The following CTNND2 variants were observed in gnomAD, a reference collection of about 807,000 sequenced individuals.
CTNND2 encodes catenin delta-2.
In CTNND2, 22 loss-of-function variants were observed where a neutral mutation model predicts 144.4. That is an observed-to-expected ratio of 0.15 (90% confidence interval 0.11 to 0.22). The LOEUF (loss-of-function observed/expected upper bound fraction) is 0.22, where lower values mean the gene tolerates loss of function less well. Among genes scored for constraint, CTNND2 ranks in the 10% least tolerant of loss-of-function variants. The pLI, the probability that CTNND2 is intolerant of heterozygous loss-of-function variation, is 1.00. For synonymous variants in CTNND2, 751 were observed against 695.6 expected, an observed-to-expected ratio of 1.08 and a Z score of -1.25; for missense variants, 1,353 against 1,618.8, an observed-to-expected ratio of 0.84 and a Z score of 2.82.
At position 10,973,842 on chromosome 5, in the gene CTNND2, G is replaced by C. The variant is rs1736107665; in HGVS notation, c.3418-129C>G. The C allele has an allele frequency of 9.5e-7, 1 of 1,056,436 alleles. No homozygotes were observed. The highest frequency in any genetic ancestry group is 1.3e-6 in the Non-Finnish European group (1 of 767,754). The allele number at this position is 1,056,436 out of a possible 1,614,324, so 65.4% of individuals were successfully genotyped here. On this transcript the variant is annotated intron_variant, in intron 21 of 21. Transcript: ENST00000304623. The surrounding 1 kb of genome is among the most constrained non-coding windows in gnomAD (Gnocchi z 5.6). ...TCCAGGCATTCACCACTGTGGCCCT[G>C]CTTCTCCAAAACTGCCAACTGTCAT...
At chr5:11,785,135 CT>C (rs780508218) in intron 1 of CTNND2, among the ~76,000 whole-genome samples, 3 of 152,280 alleles carry the variant, frequency 2.0e-5, no homozygotes, top group Admixed American at 2.0e-4. Flanking sequence ...TATACACAGG[CT>C]TTTTCCTCAC....
intron 2 of CTNND2, among the ~76,000 whole-genome samples, chr5:11,708,051 A>T (rs375045776): frequency 9.9e-5 from 14 of 140,898 alleles, no homozygotes; most frequent in African/African-American, 4.1e-4. Flanking sequence ...TTTAAAGATG[A>T]TTTTTTTTTT....
At chr5:11,466,286 T>C (rs907368612) in intron 3 of CTNND2, among the ~76,000 whole-genome samples, 5 of 152,278 alleles carry the variant, frequency 3.3e-5, no homozygotes, top group South Asian at 2.1e-4. Context: ...CATTTTTAAA[T>C]ACAAAAGACT....
intron 16 of CTNND2, among the ~76,000 whole-genome samples, chr5:11,038,704 A>G (rs1744355675): frequency 6.6e-6 from 1 of 152,206 alleles, no homozygotes; most frequent in Non-Finnish European, 1.5e-5. Flanking sequence ...CCAGAATCAA[A>G]TATTTCTGCC....
At chr5:11,866,630 C>A (rs1795781833) in intron 1 of CTNND2, among the ~76,000 whole-genome samples, 1 of 152,242 alleles carries the variant, frequency 6.6e-6, no homozygotes, top group Non-Finnish European at 1.5e-5. Context: ...CAGTGCCTGG[C>A]ACATCCTACG....
intron 20 of CTNND2, chr5:10,986,777 G>A: frequency 4.7e-6 from 2 of 429,466 alleles, no homozygotes; most frequent in South Asian, 3.3e-5. Flanking sequence ...GTTTATTATA[G>A]TTTTCTTTAC....
At chr5:11,639,174 G>A (rs140642237) in intron 2 of CTNND2, among the ~76,000 whole-genome samples, 92 of 152,134 alleles carry the variant, frequency 6.0e-4, no homozygotes, top group African/African-American at 2.1e-3. Flanking sequence ...GTGGGCAGAG[G>A]GCAGAAAGGC....
At chr5:11,675,978 A>G (rs1309845035) in intron 2 of CTNND2, among the ~76,000 whole-genome samples, 2 of 151,686 alleles carry the variant, frequency 1.3e-5, no homozygotes, top group Admixed American at 1.3e-4. Flanking sequence ...TCTAAACTGC[A>G]TTTGAGCTCT....
intron 3 of CTNND2, chr5:11,508,462 G>C (rs1383971657): frequency 1.3e-5 from 2 of 152,022 alleles, no homozygotes; most frequent in Non-Finnish European, 2.9e-5. Flanking sequence ...ATGCAAACGA[G>C]AAAATTCATT....
chr5:11,872,034 G>A (rs1735174366), intron 1 of CTNND2, among the ~76,000 whole-genome samples: 1 of 150,510 alleles, frequency 6.6e-6, no homozygotes, highest in Non-Finnish European at 1.5e-5. Flanking sequence ...CCCTCCCCTA[G>A]CCCCCCACCC....
At chr5:11,150,555 A>T (rs949731940) in intron 12 of CTNND2, among the ~76,000 whole-genome samples, 2 of 151,214 alleles carry the variant, frequency 1.3e-5, no homozygotes, top group Admixed American at 1.3e-4. Context: ...CACAGATAGC[A>T]TCCAGCTCTG....
intron 2 of CTNND2, among the ~76,000 whole-genome samples, chr5:11,681,782 G>A (rs1020155493): frequency 6.6e-6 from 1 of 152,148 alleles, no homozygotes; most frequent in Non-Finnish European, 1.5e-5. Flanking sequence ...TATCAGAAAG[G>A]CTGTGCTTGC....
chr5:11,028,947 G>A (rs1743161042), intron 16 of CTNND2, among the ~76,000 whole-genome samples: 1 of 152,214 alleles, frequency 6.6e-6, no homozygotes, highest in South Asian at 2.1e-4. Context: ...GGCCTCAAGT[G>A]ATCTGCCCAC....
At chr5:11,859,678 G>A (rs1795414215) in intron 1 of CTNND2, among the ~76,000 whole-genome samples, 1 of 152,098 alleles carries the variant, frequency 6.6e-6, no homozygotes, top group South Asian at 2.1e-4. Context: ...CCACCTACAT[G>A]CCTGTAACTC....
chr5:11,224,307 G>T (rs1024876074), intron 10 of CTNND2, among the ~76,000 whole-genome samples: 2 of 152,090 alleles, frequency 1.3e-5, no homozygotes, highest in Non-Finnish European at 2.9e-5. Context: ...CATGAAAATG[G>T]AAAAATATAT....
chr5:11,748,141 C>T lies in CTNND2; in HGVS notation c.38-15869G>A, dbSNP rs75132844. On this transcript the variant is annotated intron_variant, in intron 1 of 21. Transcript: ENST00000304623. ...TCAACTACTCTTATACAACTTTAGTCACTACCATTGACTTAGCAGTTTTTT... is the reference window on the plus strand; with the variant it reads ...TCAACTACTCTTATACAACTTTAGTTACTACCATTGACTTAGCAGTTTTTT... Among the ~76,000 whole-genome samples, 815 of 152,154 alleles carry T rather than the reference C, an allele frequency of 5.4e-3. 13 individuals carry two copies. The highest frequency in any genetic ancestry group is 0.019 in the African/African-American group (785 of 41,536).
intron 3 of CTNND2, among the ~76,000 whole-genome samples, chr5:11,498,008 G>T (rs186024531): frequency 5.9e-5 from 9 of 152,224 alleles, no homozygotes; most frequent in Admixed American, 5.9e-4. Flanking sequence ...CCTGAACCCT[G>T]TCTGCAAAGT....
intron 11 of CTNND2, among the ~76,000 whole-genome samples, chr5:11,175,464 G>A (rs946984435): frequency 2.0e-5 from 3 of 152,004 alleles, no homozygotes; most frequent in South Asian, 2.1e-4. Flanking sequence ...ATCCCAGCAC[G>A]CACGCTGTTC....
chr5:11,863,113 C>T (rs770973320), intron 1 of CTNND2, among the ~76,000 whole-genome samples: 7 of 152,114 alleles, frequency 4.6e-5, no homozygotes, highest in Non-Finnish European at 8.8e-5. Context: ...AAAATGTCCA[C>T]GTGTTTAAAT....
Sources: allele counts gnomAD v4.1 joint callset (sites outside exome capture counted in the v4.1 genomes callset), GRCh38; gene constraint gnomAD v4.1.1; non-coding constraint Gnocchi (gnomAD v3.1); transcripts MANE v1.5; gene names NCBI Gene and HGNC (gene_info 2026-07-23, HGNC 2026-07-21).